Variants in SBK3 observed in about 807,000 individuals in gnomAD.
The protein encoded by SBK3 is SH3 domain binding kinase family member 3.
SBK3 carries 16 observed loss-of-function variants against 12.7 expected under a neutral mutation model. That is an observed-to-expected ratio of 1.26 (90% confidence interval 0.86 to 1.92). The LOEUF (loss-of-function observed/expected upper bound fraction) is 1.92, where lower values mean the gene tolerates loss of function less well. Ranked by LOEUF, SBK3 falls within the 40% of genes most tolerant of loss-of-function variation. SBK3 has a pLI of 0.00. For missense variants in SBK3, 462 were observed against 481.8 expected (o/e 0.96, Z 0.38); for synonymous variants, 217 against 213.6 (o/e 1.02, Z -0.14).
In SBK3 at chr19:55,544,682, C is replaced by T. The variant is rs1988632819; in HGVS notation, c.196+117G>A. ...CCCAGAGCTCTTAACTTTCAGAGTA[C>T]CCCCACTGAGAAGGGTCCCCATCAG... On this transcript the variant is annotated intron_variant, in intron 2 of 3. Coordinates refer to ENST00000612221, the MANE Select transcript of SBK3 (RefSeq NM_001199824.2). 2.0e-5 allele frequency: 20 copies of T among 1,013,788 alleles called. No individual in the cohort carries two copies. The South Asian group carries it at 3.3e-4, about 17-fold the overall frequency. 62.8% of individuals were successfully genotyped at this position (1,013,788 alleles called of 1,614,324 possible). A position where few individuals can be genotyped will look rare whatever the true frequency, so the allele number is the denominator to read the frequency against.
At position 55,541,146 on chromosome 19, in the gene SBK3, G is replaced by A; in HGVS notation, c.780C>T (p.Thr260=). ...GTGGCTGAGGTGGCTGAGGCTTGGT[G>A]GTCACCCAGCCAGCGAAGGCCTCGA... ...PEFEAFAGWV[T]TKPQPPQPPP... Residue 260 remains threonine, a synonymous_variant, in exon 4 of 4, where the codon ACC becomes ACT. Coordinates refer to ENST00000612221, the MANE Select transcript of SBK3 (RefSeq NM_001199824.2). The surrounding 1 kb of genome is among the most constrained non-coding windows in gnomAD (Gnocchi z 5.3). 1 of 1,535,788 alleles carries A rather than the reference G, an allele frequency of 6.5e-7. No individual in the cohort carries two copies. The highest frequency in any genetic ancestry group is 8.7e-7 in the Non-Finnish European group (1 of 1,146,754).
intron 3 of SBK3, among the ~76,000 whole-genome samples, chr19:55,543,797 G>A (rs1172151081): frequency 1.3e-5 from 2 of 151,980 alleles, no homozygotes; most frequent in Non-Finnish European, 2.9e-5. Context: ...CCTAACCTCA[G>A]AGTCAACTAA....
In SBK3 at chr19:55,544,190, G is replaced by C; in HGVS notation, c.309C>G (p.Thr103=). 1 of 1,535,988 alleles carries C rather than the reference G, an allele frequency of 6.5e-7. No individual in the cohort carries two copies. Among genetic ancestry groups the C allele is most frequent in the Non-Finnish European group, 8.7e-7 (1 of 1,146,854 alleles). ...CVSAHPGLLQ[T]LAGPLQTPRY... is the part of the protein sequence containing the mutation. The stretch of plus-strand genomic sequence containing the variant: ...GGGGGGTCTGTAGGGGTCCTGCCAG[G>C]GTCTGCAGCAGGCCTGGGTGTGCAG... Residue 103 remains threonine (T), a synonymous_variant, in exon 3 of 4, where the codon ACC becomes ACG. Coordinates refer to ENST00000612221, the MANE Select transcript of SBK3 (RefSeq NM_001199824.2).
At chr19:55,542,944 C>T (rs1226425613) in intron 3 of SBK3, among the ~76,000 whole-genome samples, 1 of 141,822 alleles carries the variant, frequency 7.1e-6, no homozygotes, top group Admixed American at 6.9e-5. Flanking sequence ...ATCCACCCAC[C>T]CATCCATCCA....
In SBK3 at chr19:55,544,890, C is replaced by G. The variant is rs1161765752; in HGVS notation, c.105G>C (p.Pro35=). 6.5e-7 allele frequency: 1 copy of G among 1,534,526 alleles called. No individual in the cohort carries two copies. Among genetic ancestry groups the G allele is most frequent in the Non-Finnish European group, 8.7e-7 (1 of 1,146,462 alleles). ...LVELTTSRVT[P]VRSLRDQYHL... is the part of the protein sequence containing the mutation. ...GGTACTGGTCCCGAAGGCTCCTCAC[C>G]GGGGTCACCCTGCTGGTCGTCAGCT... The change falls in exon 2 of 4, where the codon CCG becomes CCC. Residue 35 remains proline, a synonymous_variant. Coordinates refer to ENST00000612221, the MANE Select transcript of SBK3 (RefSeq NM_001199824.2).
Position 55,541,094 on chromosome 19 carries a change from G to A in SBK3, c.832C>T (p.Pro278Ser), listed in dbSNP as rs182601675. 5.6e-4 allele frequency: 866 copies of A among 1,535,970 alleles called. 6 individuals are homozygous for A. In the African/African-American group the frequency reaches 0.011, roughly 19 times the overall value. ...PPPPWDQFAP[P>S]ALALLQGLLD... ...AGCCCCTGGAGCAAGGCCAGGGCTG[G>A]GGGCGCAAACTGGTCCCAGGGTGGT... The change falls in exon 4 of 4, where the codon CCA becomes TCA. Residue 278 changes from proline (P) to serine (S), a missense_variant. Coordinates refer to ENST00000612221, the MANE Select transcript of SBK3 (RefSeq NM_001199824.2). The surrounding 1 kb of genome is among the most constrained non-coding windows in gnomAD (Gnocchi z 5.3).
rs1367932976 is a variant in SBK3, at chr19:55,544,172, C to T, written c.327G>A (p.Gln109=). ...GLLQTLAGPL[Q]TPRYFAFAQE... is the part of the protein sequence containing the mutation. Reference sequence around the variant, plus strand: ...GGGCGAAGGCAAAATAGCGGGGGGTCTGTAGGGGTCCTGCCAGGGTCTGCA... The same window carrying T: ...GGGCGAAGGCAAAATAGCGGGGGGTTTGTAGGGGTCCTGCCAGGGTCTGCA... Residue 109 remains glutamine (Q), a synonymous_variant, in exon 3 of 4, where the codon CAG becomes CAA. Transcript: ENST00000612221. 5 of 1,535,674 alleles carry T rather than the reference C, an allele frequency of 3.3e-6. No homozygotes were observed. The Admixed American group carries it at 7.9e-5, about 24-fold the overall frequency.
At chr19:55,543,992 G>T in intron 3 of SBK3, 108 bp downstream of exon 3, 1 of 911,336 alleles carries the variant, frequency 1.1e-6, no homozygotes, top group Non-Finnish European at 1.6e-6. Flanking sequence ...GGGTGGAGAT[G>T]GATTGGGCGG....
intron 3 of SBK3, among the ~76,000 whole-genome samples, chr19:55,542,439 TCCACCACTCACTCAC>T (rs1988573011): frequency 7.4e-6 from 1 of 134,584 alleles, no homozygotes; most frequent in South Asian, 2.8e-4. Context: ...CACTCATCCA[TCCACCACTCACTCAC>T]CCACCAAACC....
rs780500029 is a variant in SBK3 at position 55,541,178 on chromosome 19, G to C, written c.748C>G (p.Pro250Ala). Reference protein sequence around the residue: ...FPWDVALAPNPEFEAFAGWVT... With the variant: ...FPWDVALAPNAEFEAFAGWVT... ...CAGCCAGCGAAGGCCTCGAACTCAG[G>C]GTTGGGGGCCAGTGCCACGTCCCAA... The change falls in exon 4 of 4, where the codon CCT becomes GCT. Residue 250 changes from proline to alanine, a missense_variant. By Grantham distance (27) the Pro-to-Ala change is conservative. Transcript: ENST00000612221. The surrounding 1 kb of genome is among the most constrained non-coding windows in gnomAD (Gnocchi z 5.3). 2 of 1,536,024 alleles carry C rather than the reference G, an allele frequency of 1.3e-6. No homozygotes were observed. The highest frequency in any genetic ancestry group is 2.4e-5 in the South Asian group (2 of 84,056).
rs1450623087 is a variant in SBK3 at position 55,544,951 on chromosome 19, T to C, written c.46-2A>G. On this transcript the variant is annotated splice_acceptor_variant, in intron 1 of 3. Coordinates refer to ENST00000612221, the MANE Select transcript of SBK3 (RefSeq NM_001199824.2). LOFTEE classifies it high-confidence loss of function. ...TTGGAGGGCTGTGGCTGTGTCCTCC[T>C]ACGGGAGAGGGGCAGGGTGAGGAGG... 1 of 1,528,338 alleles carries C rather than the reference T, an allele frequency of 6.5e-7. No individual in the cohort carries two copies. The highest frequency in any genetic ancestry group is 1.2e-5 in the South Asian group (1 of 83,322). 94.7% of individuals were successfully genotyped at this position (1,528,338 alleles called of 1,614,324 possible).
In SBK3 at chr19:55,545,453, C is replaced by T; in HGVS notation, c.45+46G>A. 6.9e-7 allele frequency: 1 copy of T among 1,453,716 alleles called. No individual in the cohort carries two copies. Among genetic ancestry groups the T allele is most frequent in the Non-Finnish European group, 9.3e-7 (1 of 1,074,384 alleles). The allele number at this position is 1,453,716 out of a possible 1,614,324, so 90.1% of individuals were successfully genotyped here. ...CCCGTGTTGCCTCCTGCCTCTCTCT[C>T]CTTCTTTTCTCTCTCTGTCTTCCTC... is the stretch of plus-strand genomic sequence containing the variant. On this transcript the variant is annotated intron_variant, in intron 1 of 3. Coordinates refer to ENST00000612221, the MANE Select transcript of SBK3 (RefSeq NM_001199824.2). The surrounding 1 kb of genome is among the most constrained non-coding windows in gnomAD (Gnocchi z 4.4).
At chr19:55,543,142 C>CATCCATCT (rs1988598883) in intron 3 of SBK3, among the ~76,000 whole-genome samples, 1 of 146,044 alleles carries the variant, frequency 6.8e-6, no homozygotes, top group African/African-American at 2.6e-5. Flanking sequence ...TCCATCCACC[C>CATCCATCT]ACCAATCCTT....
Position 55,545,078 on chromosome 19 carries a change from G to T in SBK3, c.46-129C>A. ...GACAGGGGTCACTGTCCCCAGAGAGGAGGATGAGTCACAGTGACTCACCCG... is the reference window on the plus strand; with the variant it reads ...GACAGGGGTCACTGTCCCCAGAGAGTAGGATGAGTCACAGTGACTCACCCG... On this transcript the variant is annotated intron_variant, in intron 1 of 3. Coordinates refer to ENST00000612221, the MANE Select transcript of SBK3 (RefSeq NM_001199824.2). The surrounding 1 kb of genome is among the most constrained non-coding windows in gnomAD (Gnocchi z 4.4). 1.4e-6 allele frequency: 1 copy of T among 705,700 alleles called. No individual in the cohort carries two copies. The highest frequency in any genetic ancestry group is 1.9e-5 in the South Asian group (1 of 52,552). 43.7% of individuals were successfully genotyped at this position (705,700 alleles called of 1,614,324 possible).
At chr19:55,543,993 G>C in intron 3 of SBK3, 107 bp downstream of exon 3, 1 of 928,318 alleles carries the variant, frequency 1.1e-6, no homozygotes, top group Admixed American at 3.2e-5. Context: ...GGTGGAGATG[G>C]ATTGGGCGGG....
Position 55,544,195 on chromosome 19 carries a change from G to C in SBK3, c.304C>G (p.Gln102Glu). ...GTCTGTAGGGGTCCTGCCAGGGTCTGCAGCAGGCCTGGGTGTGCAGAGACG... is the reference window on the plus strand; with the variant it reads ...GTCTGTAGGGGTCCTGCCAGGGTCTCCAGCAGGCCTGGGTGTGCAGAGACG... ...RCVSAHPGLL[Q>E]TLAGPLQTPR... The change falls in exon 3 of 4, where the codon CAG becomes GAG. Residue 102 changes from glutamine to glutamate, a missense_variant. Physicochemically the swap from Gln to Glu is conservative, Grantham distance 29. Coordinates refer to ENST00000612221, the MANE Select transcript of SBK3 (RefSeq NM_001199824.2). 6.5e-7 allele frequency: 1 copy of C among 1,536,016 alleles called. No homozygotes were observed. The highest frequency in any genetic ancestry group is 1.7e-4 in the Middle Eastern group (1 of 5,990).
In SBK3 at chr19:55,544,166, G is replaced by T. The variant is rs1336474047; in HGVS notation, c.333C>A (p.Pro111=). ...ACTCCTGGGCGAAGGCAAAATAGCG[G>T]GGGGTCTGTAGGGGTCCTGCCAGGG... ...LQTLAGPLQT[P]RYFAFAQEYA... is the part of the protein sequence containing the mutation. Residue 111 remains proline, a synonymous_variant, in exon 3 of 4, where the codon CCC becomes CCA. Coordinates refer to ENST00000612221, the MANE Select transcript of SBK3 (RefSeq NM_001199824.2). 2 of 1,535,494 alleles carry T rather than the reference G, an allele frequency of 1.3e-6. No individual in the cohort carries two copies. The highest frequency in any genetic ancestry group is 8.7e-7 in the Non-Finnish European group (1 of 1,146,678).
Position 55,544,286 on chromosome 19 carries a change from C to T in SBK3, c.213G>A (p.Leu71=). The change falls in exon 3 of 4, where the codon CTG becomes CTA. Residue 71 remains leucine, a synonymous_variant. Coordinates refer to ENST00000612221, the MANE Select transcript of SBK3 (RefSeq NM_001199824.2). ...GGACCAAATCCCGACGCAGGAGCTT[C>T]AGAGCCACAGCTGGACCTGCCAGGG... ...QPHQGGPAVA[L]KLLRRDLVLR... 6.5e-7 allele frequency: 1 copy of T among 1,535,828 alleles called. No homozygotes were observed. The highest frequency in any genetic ancestry group is 8.7e-7 in the Non-Finnish European group (1 of 1,146,778).
chr19:55,542,547 T>TCATCCATC (rs143447101), intron 3 of SBK3, among the ~76,000 whole-genome samples: 1 of 129,714 alleles, frequency 7.7e-6, no homozygotes, highest in East Asian at 2.7e-4. Flanking sequence ...ACCAATCCTT[T>TCATCCATC]CATCCATCCA....
Sources: gnomAD v4.1 joint callset for allele counts (sites outside exome capture counted in the v4.1 genomes callset) on GRCh38, gnomAD v4.1.1 for gene constraint, Gnocchi (gnomAD v3.1) non-coding constraint, MANE v1.5 for transcripts, NCBI Gene and HGNC (gene_info 2026-07-23, HGNC 2026-07-21) for gene names.